CACNA2D2: variants seen among roughly 807,000 people sequenced by gnomAD.
CACNA2D2 encodes the protein calcium voltage-gated channel auxiliary subunit alpha2delta 2, also known as voltage-dependent calcium channel subunit alpha-2/delta-2.
Under a neutral mutation model 166.4 loss-of-function variants are expected in CACNA2D2, and 48 were observed. The ratio of observed to expected loss-of-function variants is 0.29; its 90% confidence interval spans 0.23 to 0.37. CACNA2D2 has a LOEUF of 0.37. Ranked by LOEUF, CACNA2D2 falls within the 10% of genes least tolerant of loss-of-function variation. The probability of loss-of-function intolerance (pLI) is 1.00; values close to 1 mark genes in which losing one functional copy is unlikely to be tolerated. For missense variants in CACNA2D2, 1,122 were observed against 1,433.0 expected (o/e 0.78, Z 3.50); for synonymous variants, 561 against 573.7 (o/e 0.98, Z 0.32).
intron 1 of CACNA2D2, among the ~76,000 whole-genome samples, chr3:50,485,263 T>G (rs1698229571): frequency 6.6e-6 from 1 of 152,136 alleles, no homozygotes; most frequent in African/African-American, 2.4e-5. Context: ...ACACTTGGGT[T>G]CTGGTTCCCG....
Position 50,367,602 on chromosome 3 carries a change from T to C in CACNA2D2, c.2297+40A>G, listed in dbSNP as rs772053051. The C allele has an allele frequency of 6.2e-7, 1 of 1,608,586 alleles. No homozygotes were observed. The highest frequency in any genetic ancestry group is 8.5e-7 in the Non-Finnish European group (1 of 1,175,652). The stretch of plus-strand genomic sequence containing the variant: ...CTGGGCAGAACAGATGCAGGTTCCC[T>C]GGCAGGGGCAGGGTTTGGGTAGTGG... On this transcript the variant is annotated intron_variant, in intron 26 of 37. Coordinates refer to ENST00000424201, the MANE Select transcript of CACNA2D2 (RefSeq NM_006030.4). This position sits in a 1 kb window ranked among gnomAD's most constrained non-coding sequence, Gnocchi z 6.5.
chr3:50,385,045 T>C (rs1034176668), intron 5 of CACNA2D2, among the ~76,000 whole-genome samples: 1 of 152,152 alleles, frequency 6.6e-6, no homozygotes, highest in Non-Finnish European at 1.5e-5. Context: ...AGGTGCCAAT[T>C]ATGGCATCTC....
chr3:50,485,532 T>C (rs919929662), intron 1 of CACNA2D2, among the ~76,000 whole-genome samples: 1 of 152,260 alleles, frequency 6.6e-6, no homozygotes, highest in African/African-American at 2.4e-5. Context: ...TTATAAACGT[T>C]GAGGCTGTTC....
At chr3:50,418,111 C>T (rs1261631618) in intron 3 of CACNA2D2, among the ~76,000 whole-genome samples, 1 of 152,098 alleles carries the variant, frequency 6.6e-6, no homozygotes, top group Non-Finnish European at 1.5e-5. Flanking sequence ...CCAAAGAGAC[C>T]GCACCCTGCC....
At chr3:50,479,135 A>G (rs1383874822) in intron 1 of CACNA2D2, among the ~76,000 whole-genome samples, 2 of 152,142 alleles carry the variant, frequency 1.3e-5, no homozygotes, top group East Asian at 3.8e-4. Flanking sequence ...ATAAAGTCCA[A>G]TCCTTCCCCA....
rs587593931 is a variant in CACNA2D2, at chr3:50,375,194, A to T, written c.1908-381T>A. Reference sequence around the variant, plus strand: ...GGAGTGGGGTCACCAGCCCCCAGATACTCAAAGCCAGCAGAAAGCAGGGCT... The same window carrying T: ...GGAGTGGGGTCACCAGCCCCCAGATTCTCAAAGCCAGCAGAAAGCAGGGCT... On this transcript the variant is annotated intron_variant, in intron 21 of 37. Transcript: ENST00000424201. This position sits in a 1 kb window ranked among gnomAD's most constrained non-coding sequence, Gnocchi z 4.0. 3.9e-5 allele frequency among the ~76,000 whole-genome samples: 6 copies of T among 152,282 alleles called. 1 individual carries two copies. The South Asian group carries it at 6.2e-4, about 16-fold the overall frequency.
chr3:50,444,433 C>G (rs1439543168), intron 2 of CACNA2D2, among the ~76,000 whole-genome samples: 1 of 152,242 alleles, frequency 6.6e-6, no homozygotes, highest in Non-Finnish European at 1.5e-5. Context: ...TTCACCCTCA[C>G]AGTCTGCACA....
chr3:50,427,338 C>T lies in CACNA2D2; in HGVS notation c.405+6975G>A, dbSNP rs1243313052. On this transcript the variant is annotated intron_variant, in intron 3 of 37. Transcript: ENST00000424201. This position sits in a 1 kb window ranked among gnomAD's most constrained non-coding sequence, Gnocchi z 4.7. ...AACAGATTCCCAATCCCCAATGCTTCCCCCATCCCTGGGGACCCCCAGCTG... is the reference window on the plus strand; with the variant it reads ...AACAGATTCCCAATCCCCAATGCTTTCCCCATCCCTGGGGACCCCCAGCTG... Among the ~76,000 whole-genome samples the T allele has an allele frequency of 6.6e-6, 1 of 152,228 alleles. No homozygotes were observed. The highest frequency in any genetic ancestry group is 2.4e-5 in the African/African-American group (1 of 41,466).
chr3:50,372,940 G>T, intron 22 of CACNA2D2: 1 of 720,080 alleles, frequency 1.4e-6, no homozygotes, highest in Non-Finnish European at 2.4e-6. Flanking sequence ...GGAGCCAAGG[G>T]GAAGCTGGGA....
intron 4 of CACNA2D2, among the ~76,000 whole-genome samples, chr3:50,388,172 G>A (rs934800151): frequency 6.6e-5 from 10 of 152,150 alleles, no homozygotes; most frequent in African/African-American, 2.4e-5. Context: ...CGTCTGCCCC[G>A]CCTGTCCCTG....
chr3:50,434,822 G>A (rs531130933), intron 2 of CACNA2D2, among the ~76,000 whole-genome samples: 1 of 152,342 alleles, frequency 6.6e-6, no homozygotes, highest in Non-Finnish European at 1.5e-5. Context: ...GAGGCGAGAT[G>A]GAGTCAATAA....
chr3:50,473,612 A>G (rs1239286403), intron 2 of CACNA2D2, among the ~76,000 whole-genome samples: 1 of 152,212 alleles, frequency 6.6e-6, no homozygotes, highest in Non-Finnish European at 1.5e-5. Context: ...CTCCTGACCT[A>G]TCAGAGCCAG....
At chr3:50,447,452 C>A (rs1708906069) in intron 2 of CACNA2D2, among the ~76,000 whole-genome samples, 1 of 152,172 alleles carries the variant, frequency 6.6e-6, no homozygotes, top group African/African-American at 2.4e-5. Context: ...GCGGTGAGGG[C>A]AATGACGCCA....
chr3:50,466,423 G>C (rs556349912), intron 2 of CACNA2D2, among the ~76,000 whole-genome samples: 3 of 152,060 alleles, frequency 2.0e-5, no homozygotes, highest in Non-Finnish European at 4.4e-5. Flanking sequence ...ATGTGTGCCC[G>C]CTCACACCTC....
Position 50,380,043 on chromosome 3 carries a change from G to A in CACNA2D2, c.843-25C>T. On this transcript the variant is annotated intron_variant, in intron 8 of 37. Transcript: ENST00000424201. This position sits in a 1 kb window ranked among gnomAD's most constrained non-coding sequence, Gnocchi z 4.9. Reference sequence around the variant, plus strand: ...CCTGCCCAGGAGATGCCTCTGTTAGGGTAAGGCCCACTGGGACCTTGTGGG... The same window carrying A: ...CCTGCCCAGGAGATGCCTCTGTTAGAGTAAGGCCCACTGGGACCTTGTGGG... 2 of 1,613,668 alleles carry A rather than the reference G, an allele frequency of 1.2e-6. No homozygotes were observed. The highest frequency in any genetic ancestry group is 8.5e-7 in the Non-Finnish European group (1 of 1,179,748).
chr3:50,472,246 T>C (rs1422615346), intron 2 of CACNA2D2, among the ~76,000 whole-genome samples: 2 of 152,220 alleles, frequency 1.3e-5, no homozygotes, highest in East Asian at 1.9e-4. Context: ...ACTAGCAGCA[T>C]GTAGCTGGGC....
intron 1 of CACNA2D2, among the ~76,000 whole-genome samples, chr3:50,477,454 C>T (rs1697839243): frequency 6.6e-6 from 1 of 152,180 alleles, no homozygotes; most frequent in African/African-American, 2.4e-5. Context: ...GGGGCAAGGC[C>T]TTGCCTGGGT....
Position 50,376,358 on chromosome 3 carries a change from C to G in CACNA2D2, c.1627-170G>C, listed in dbSNP as rs1378394280. ...CCCTAAGCCTGTCTCTCCAGCCAGGCCCGCAGGCGGGTTGCCCCTTGTGCA... is the reference window on the plus strand; with the variant it reads ...CCCTAAGCCTGTCTCTCCAGCCAGGGCCGCAGGCGGGTTGCCCCTTGTGCA... On this transcript the variant is annotated intron_variant, in intron 17 of 37. Coordinates refer to ENST00000424201, the MANE Select transcript of CACNA2D2 (RefSeq NM_006030.4). The surrounding 1 kb of genome is among the most constrained non-coding windows in gnomAD (Gnocchi z 4.3). 6.6e-6 allele frequency among the ~76,000 whole-genome samples: 1 copy of G among 152,170 alleles called. No homozygotes were observed. Among genetic ancestry groups the G allele is most frequent in the Non-Finnish European group, 1.5e-5 (1 of 68,024 alleles).
chr3:50,473,577 G>A (rs770580595), intron 2 of CACNA2D2, among the ~76,000 whole-genome samples: 1 of 152,220 alleles, frequency 6.6e-6, no homozygotes, highest in Non-Finnish European at 1.5e-5. Flanking sequence ...TATCACAGCT[G>A]GGCCAGGGCT....
Sources: gnomAD v4.1 joint callset for allele counts (sites outside exome capture counted in the v4.1 genomes callset) on GRCh38, gnomAD v4.1.1 for gene constraint, Gnocchi (gnomAD v3.1) non-coding constraint, MANE v1.5 for transcripts, NCBI Gene and HGNC (gene_info 2026-07-23, HGNC 2026-07-21) for gene names.